The following SLC16A10 variants were observed in gnomAD, a reference collection of about 807,000 sequenced individuals.
SLC16A10 encodes the protein solute carrier family 16 member 10.
A neutral mutation model predicts 40.0 loss-of-function variants in SLC16A10; 27 were observed. That is an observed-to-expected ratio of 0.67 (90% CI 0.50 to 0.93). The LOEUF (loss-of-function observed/expected upper bound fraction) is 0.93, where lower values mean the gene tolerates loss of function less well. SLC16A10 is among the 40% of genes least tolerant of loss of function. The pLI is 0.00. For synonymous variants in SLC16A10, 213 were observed against 249.8 expected, an observed-to-expected ratio of 0.85 and a Z score of 1.39; for missense variants, 529 against 658.2, an observed-to-expected ratio of 0.80 and a Z score of 2.15.
chr6:111,182,412 T>A (rs1772815471), intron 3 of SLC16A10, among the ~76,000 whole-genome samples: 1 of 143,162 alleles, frequency 7.0e-6, no homozygotes, highest in Non-Finnish European at 1.5e-5. Flanking sequence ...TACCTCCACA[T>A]CACTCCTCCT....
chr6:111,155,022 C>CAAAAA (rs397888706), intron 1 of SLC16A10, among the ~76,000 whole-genome samples: 2 of 53,450 alleles, frequency 3.7e-5, no homozygotes, highest in Non-Finnish European at 7.5e-5. Flanking sequence ...GACTCCATCT[C>CAAAAA]AAAAAAAAAA....
intron 1 of SLC16A10, among the ~76,000 whole-genome samples, chr6:111,118,703 T>C (rs951986539): frequency 7.1e-5 from 9 of 127,352 alleles, no homozygotes; most frequent in African/African-American, 2.6e-4. Flanking sequence ...AAAAAAAAGG[T>C]GAATTATCTC....
chr6:111,206,179 C>G (rs1773249957), intron 3 of SLC16A10, among the ~76,000 whole-genome samples: 1 of 149,170 alleles, frequency 6.7e-6, no homozygotes, highest in African/African-American at 2.6e-5. Flanking sequence ...CGGGTTCAAG[C>G]TATTCTCCTG....
At position 111,222,321 on chromosome 6, in the gene SLC16A10, AT is replaced by A. The variant is rs1160037937; in HGVS notation, c.*93del. The A allele has an allele frequency of 2.7e-6, 4 of 1,474,074 alleles. No homozygotes were observed. Among genetic ancestry groups the A allele is most frequent in the East Asian group, 2.5e-5 (1 of 39,264 alleles). 91.3% of individuals were successfully genotyped at this position (1,474,074 alleles called of 1,614,324 possible). ...CTTTTATACAAATTGCAAATTTCAT[AT>A]TTTTTTAATCACATCCTAGGAATAG... On this transcript the variant is annotated 3_prime_UTR_variant, in exon 6 of 6. Transcript: ENST00000368851.
chr6:111,156,548 T>A (rs570752085), intron 1 of SLC16A10, among the ~76,000 whole-genome samples: 3 of 152,190 alleles, frequency 2.0e-5, no homozygotes, highest in Non-Finnish European at 2.9e-5. Flanking sequence ...CAAATCCTAA[T>A]TGAGGGACAT....
chr6:111,189,495 G>A (rs902499740), intron 3 of SLC16A10, among the ~76,000 whole-genome samples: 1 of 152,092 alleles, frequency 6.6e-6, no homozygotes, highest in Non-Finnish European at 1.5e-5. Flanking sequence ...CTTTGCTGTA[G>A]GACCCAATCA....
chr6:111,167,014 CT>C (rs1772485348), intron 1 of SLC16A10, among the ~76,000 whole-genome samples: 1 of 152,220 alleles, frequency 6.6e-6, no homozygotes, highest in Admixed American at 6.5e-5. Context: ...GACATTCTAT[CT>C]GGTGTTCTGA....
intron 3 of SLC16A10, among the ~76,000 whole-genome samples, chr6:111,182,310 C>CTTTTTTTTTTTTTTT (rs372963281): frequency 9.7e-6 from 1 of 103,624 alleles, no homozygotes; most frequent in Admixed American, 1.2e-4. Flanking sequence ...CTCTGGGTTT[C>CTTTTTTTTTTTTTTT]TTTTTTTTTT....
chr6:111,184,484 AT>A (rs56663468), intron 3 of SLC16A10, among the ~76,000 whole-genome samples: 2,219 of 142,906 alleles, frequency 0.016, 26 homozygotes, highest in African/African-American at 0.045. Context: ...ATTGGAAATG[AT>A]TTTTTTTTTT....
chr6:111,203,431 G>A (rs531435459), intron 3 of SLC16A10, among the ~76,000 whole-genome samples: 4 of 152,126 alleles, frequency 2.6e-5, no homozygotes, highest in African/African-American at 9.6e-5. Context: ...AACAAAATTC[G>A]GTTAAATAAT....
At chr6:111,145,123 C>T (rs937963870) in intron 1 of SLC16A10, among the ~76,000 whole-genome samples, 2 of 152,074 alleles carry the variant, frequency 1.3e-5, no homozygotes, top group Non-Finnish European at 2.9e-5. Flanking sequence ...TGAGCCACTG[C>T]ACCTGGCCAT....
chr6:111,166,984 A>T (rs1772484564), intron 1 of SLC16A10, among the ~76,000 whole-genome samples: 1 of 152,230 alleles, frequency 6.6e-6, no homozygotes, highest in Non-Finnish European at 1.5e-5. Context: ...CATTTTTGGC[A>T]TCTATGTCTC....
chr6:111,153,592 G>A (rs1772214785), intron 1 of SLC16A10, among the ~76,000 whole-genome samples: 1 of 152,160 alleles, frequency 6.6e-6, no homozygotes, highest in African/African-American at 2.4e-5. Context: ...AAGGAGTGAT[G>A]GAGTGGACAG....
At chr6:111,134,064 G>A (rs759958063) in intron 1 of SLC16A10, among the ~76,000 whole-genome samples, 4 of 152,166 alleles carry the variant, frequency 2.6e-5, no homozygotes, top group African/African-American at 4.8e-5. Flanking sequence ...ACTGGAGCCC[G>A]AGAGTTTGGC....
chr6:111,180,974 G>A (rs1359553678), intron 3 of SLC16A10, among the ~76,000 whole-genome samples: 1 of 152,146 alleles, frequency 6.6e-6, no homozygotes, highest in African/African-American at 2.4e-5. Context: ...CAGCACTTTG[G>A]GAGGCCAAGG....
intron 1 of SLC16A10, among the ~76,000 whole-genome samples, chr6:111,151,686 T>G (rs926137672): frequency 2.0e-5 from 3 of 152,246 alleles, no homozygotes; most frequent in Non-Finnish European, 4.4e-5. Context: ...TCCGTATTTC[T>G]TGGGATGACT....
chr6:111,214,728 A>G (rs1485340840), intron 4 of SLC16A10, among the ~76,000 whole-genome samples: 3 of 152,262 alleles, frequency 2.0e-5, no homozygotes, highest in Non-Finnish European at 2.9e-5. Context: ...TTACATTTAA[A>G]TAACTACATA....
intron 1 of SLC16A10, among the ~76,000 whole-genome samples, chr6:111,095,603 G>T (rs751523039): frequency 6.6e-6 from 1 of 152,126 alleles, no homozygotes; most frequent in Non-Finnish European, 1.5e-5. Context: ...ATCTTGAATT[G>T]TAGCTCCCAT....
chr6:111,210,275 G>C (rs1773323960), intron 4 of SLC16A10, among the ~76,000 whole-genome samples: 1 of 152,134 alleles, frequency 6.6e-6, no homozygotes, highest in South Asian at 2.1e-4. Context: ...CCTCACTGTG[G>C]GTGTCTGTGT....
Sources: gnomAD v4.1 joint callset for allele counts (sites outside exome capture counted in the v4.1 genomes callset) on GRCh38, gnomAD v4.1.1 for gene constraint, MANE v1.5 for transcripts, NCBI Gene and HGNC (gene_info 2026-07-23, HGNC 2026-07-21) for gene names.